The following RPP30 variants were observed in gnomAD, a reference collection of about 807,000 sequenced individuals.
RPP30 encodes ribonuclease P/MRP subunit p30.
In RPP30, 36 loss-of-function variants were observed where a neutral mutation model predicts 38.6. That is an observed-to-expected ratio of 0.93 (90% CI 0.71 to 1.23). The LOEUF (loss-of-function observed/expected upper bound fraction) is 1.23. Among genes scored for constraint, RPP30 ranks in the 50% most tolerant of loss-of-function variants. The probability of loss-of-function intolerance (pLI) is 0.00; values close to 1 mark genes in which losing one functional copy is unlikely to be tolerated. For synonymous variants in RPP30, 126 were observed against 112.7 expected (o/e 1.12, Z -0.75); for missense variants, 321 against 321.7 (o/e 1.00, Z 0.02).
intron 6 of RPP30, among the ~76,000 whole-genome samples, chr10:90,886,764 A>C (rs1193374740): frequency 6.6e-6 from 1 of 152,236 alleles, no homozygotes; most frequent in East Asian, 1.9e-4. Flanking sequence ...TTACATATCC[A>C]ATCCTGTCAG....
chr10:90,905,198 C>T (rs1043764274), downstream of RPP30: 7 of 151,890 alleles, frequency 4.6e-5, no homozygotes, highest in Admixed American at 3.3e-4. Flanking sequence ...CCCAACATGA[C>T]ATGCTGTTAG....
chr10:90,907,405 C>T (rs1847265128), downstream of RPP30, among the ~76,000 whole-genome samples: 1 of 152,170 alleles, frequency 6.6e-6, no homozygotes, highest in Non-Finnish European at 1.5e-5. Context: ...GGGAGGTGGA[C>T]TCCCTGGATT....
chr10:90,876,177 T>C, intron 4 of RPP30, 79 bp downstream of exon 4: 1 of 936,596 alleles, frequency 1.1e-6, no homozygotes, highest in Non-Finnish European at 1.7e-6. Context: ...GCATTTTGTC[T>C]TCCCCATTTT....
intron 1 of RPP30, among the ~76,000 whole-genome samples, chr10:90,872,471 C>T (rs1406024063): frequency 6.6e-6 from 1 of 152,070 alleles, no homozygotes; most frequent in Non-Finnish European, 1.5e-5. Context: ...CAGGAAGCGC[C>T]GTGGAGGCTC....
chr10:90,903,167 G>A, downstream of RPP30: 1 of 1,332,022 alleles, frequency 7.5e-7, no homozygotes. Context: ...CTTCACTAAT[G>A]TCAAGTTCCT....
Position 90,895,909 on chromosome 10 carries a change from G to A in RPP30, c.609G>A (p.Val203=). Residue 203 remains valine (V), a synonymous_variant, in exon 9 of 11, where the codon GTG becomes GTA. Coordinates refer to ENST00000371703, the MANE Select transcript of RPP30 (RefSeq NM_006413.5). ...RPLEIRGPYD[V]ANLGLLFGLS... ...TAGAAATAAGAGGGCCATATGACGT[G>A]GCAAATCTGTATCCTTTTCTGAGTA... 3 of 1,597,964 alleles carry A rather than the reference G, an allele frequency of 1.9e-6. No individual in the cohort carries two copies. The highest frequency in any genetic ancestry group is 2.6e-6 in the Non-Finnish European group (3 of 1,172,534).
At chr10:90,903,094 A>G, downstream of RPP30, 9 of 714,142 alleles carry the variant, frequency 1.3e-5, no homozygotes. Flanking sequence ...AACTGCTGTC[A>G]AATTAGATAT....
chr10:90,891,096 T>TA (rs1847076857), intron 6 of RPP30, among the ~76,000 whole-genome samples: 1 of 152,230 alleles, frequency 6.6e-6, no homozygotes, highest in Admixed American at 6.5e-5. Flanking sequence ...AAATTACAAA[T>TA]ACGTTTACTG....
At position 90,901,161 on chromosome 10, in the gene RPP30, T is replaced by TTC. The variant is rs1232913467; in HGVS notation, c.*483_*484dup. The TTC allele has an allele frequency of 4.0e-6, 1 of 249,614 alleles. No individual in the cohort carries two copies. The highest frequency in any genetic ancestry group is 6.2e-6 in the Non-Finnish European group (1 of 160,058). 15.5% of individuals were successfully genotyped at this position (249,614 alleles called of 1,614,324 possible). A position where few individuals can be genotyped will look rare whatever the true frequency, so the allele number is the denominator to read the frequency against. On this transcript the variant is annotated 3_prime_UTR_variant, in exon 11 of 11. Coordinates refer to ENST00000371703, the MANE Select transcript of RPP30 (RefSeq NM_006413.5). ...GGCTATTTTTTTTTTTTTTTTTTTT[T>TTC]TCCCTTGTAGAGACATGGTCTCACT...
chr10:90,884,088 A>G (rs1486710995), intron 5 of RPP30, among the ~76,000 whole-genome samples: 1 of 152,178 alleles, frequency 6.6e-6, no homozygotes, highest in Non-Finnish European at 1.5e-5. Flanking sequence ...CATCATATAA[A>G]GGGATCATAA....
intron 5 of RPP30, among the ~76,000 whole-genome samples, chr10:90,883,519 A>G (rs1258952848): frequency 6.6e-6 from 1 of 152,186 alleles, no homozygotes; most frequent in Non-Finnish European, 1.5e-5. Context: ...ACTAAATAAC[A>G]AAATAATTCA....
downstream of RPP30, among the ~76,000 whole-genome samples, chr10:90,904,587 C>T (rs532772331): frequency 7.2e-4 from 109 of 152,160 alleles, no homozygotes; most frequent in African/African-American, 2.5e-3. Context: ...CCAAGGAGGG[C>T]GGATAACTTG....
At chr10:90,885,570 C>G (rs1023192981) in intron 5 of RPP30, among the ~76,000 whole-genome samples, 2 of 152,152 alleles carry the variant, frequency 1.3e-5, no homozygotes, top group Non-Finnish European at 2.9e-5. Context: ...GTCTCCAGGC[C>G]CTATCTTTTG....
intron 7 of RPP30, 140 bp from the exon 8 acceptor site, chr10:90,895,314 C>A: frequency 1.8e-6 from 1 of 542,022 alleles, no homozygotes; most frequent in Non-Finnish European, 3.2e-6. Context: ...ATTTTTTTCA[C>A]CTTAATTATT....
intron 6 of RPP30, 75 bp downstream of exon 6, chr10:90,885,976 C>T: frequency 1.0e-6 from 1 of 976,678 alleles, no homozygotes; most frequent in Non-Finnish European, 1.5e-6. Flanking sequence ...CAGAAGAAAT[C>T]AGTGTTCTTA....
chr10:90,894,320 C>T (rs888938133), intron 6 of RPP30, among the ~76,000 whole-genome samples: 1 of 152,200 alleles, frequency 6.6e-6, no homozygotes, highest in Non-Finnish European at 1.5e-5. Flanking sequence ...GAAAGACCTT[C>T]CTGCCCTTGG....
intron 5 of RPP30, 27 bp from the exon 6 acceptor site, chr10:90,885,785 C>T (rs1041192265): frequency 3.4e-5 from 52 of 1,512,660 alleles, no homozygotes; most frequent in Non-Finnish European, 4.8e-5. Context: ...TTCCTTTTGG[C>T]CTTACCTATT....
At chr10:90,888,735 G>C (rs2120210401) in intron 6 of RPP30, among the ~76,000 whole-genome samples, 1 of 152,264 alleles carries the variant, frequency 6.6e-6, no homozygotes, top group South Asian at 2.1e-4. Flanking sequence ...CCATTGGGAA[G>C]TTCAGGAAAG....
chr10:90,884,124 A>G (rs1417119902), intron 5 of RPP30, among the ~76,000 whole-genome samples: 1 of 152,110 alleles, frequency 6.6e-6, no homozygotes, highest in East Asian at 1.9e-4. Flanking sequence ...GGGATGTTTA[A>G]TTGTGTCTAG....
Sources: gnomAD v4.1 joint callset for allele counts (sites outside exome capture counted in the v4.1 genomes callset) on GRCh38, gnomAD v4.1.1 for gene constraint, MANE v1.5 for transcripts, NCBI Gene and HGNC (gene_info 2026-07-23, HGNC 2026-07-21) for gene names.